Variants in PARP1 observed in about 807,000 individuals in gnomAD.
The protein encoded by PARP1 is poly [ADP-ribose] polymerase 1.
Under a neutral mutation model 118.7 loss-of-function variants are expected in PARP1, and 44 were observed. The ratio of observed to expected loss-of-function variants is 0.37; its 90% confidence interval spans 0.29 to 0.48. The LOEUF is 0.48. Ranked by LOEUF, PARP1 falls within the 20% of genes least tolerant of loss-of-function variation. PARP1 has a pLI of 0.99. For missense variants in PARP1, 1,100 were observed against 1,272.4 expected (o/e 0.86, Z 2.06); for synonymous variants, 492 against 483.2 (o/e 1.02, Z -0.24).
Position 226,379,964 on chromosome 1 carries a change from C to A in PARP1, c.1501G>T (p.Ala501Ser), listed in dbSNP as rs1365570270. ...EVVAPRGKSGAALSKKSKGQV... is the reference protein window; with the variant it reads ...EVVAPRGKSGSALSKKSKGQV... Reference sequence around the variant, plus strand: ...CCCTTGCTTTTTTTGGAGAGCGCAGCCCCTGACTTCCCTCTTGGGGCCACA... The same window carrying A: ...CCCTTGCTTTTTTTGGAGAGCGCAGACCCTGACTTCCCTCTTGGGGCCACA... The change falls in exon 10 of 23, where the codon GCT (alanine) becomes TCT (serine). Residue 501 changes from alanine to serine, a missense_variant. Transcript: ENST00000366794. 1 of 1,614,138 alleles carries A rather than the reference C, an allele frequency of 6.2e-7. No homozygotes were observed. The highest frequency in any genetic ancestry group is 8.5e-7 in the Non-Finnish European group (1 of 1,180,030).
intron 1 of PARP1, among the ~76,000 whole-genome samples, chr1:226,402,937 T>C (rs552774315): frequency 6.6e-6 from 1 of 152,304 alleles, no homozygotes; most frequent in East Asian, 1.9e-4. Context: ...CAGAAAAAAG[T>C]GTCAAGCTTG....
rs1480040125 is a variant in PARP1 at position 226,390,547 on chromosome 1, T to C, written c.480A>G (p.Pro160=). The C allele has an allele frequency of 2.5e-6, 4 of 1,614,114 alleles. No homozygotes were observed. Among genetic ancestry groups the C allele is most frequent in the Non-Finnish European group, 3.4e-6 (4 of 1,180,050 alleles). ...CCTCCCTGTTCTTGACAAAGCAGCC[T>C]GGATGGTACCAGCGGTCAATCATGC... ...QLGMIDRWYH[P]GCFVKNREEL... The change falls in exon 4 of 23, where the codon CCA becomes CCG. Residue 160 remains proline, a synonymous_variant. Transcript: ENST00000366794.
intron 16 of PARP1, among the ~76,000 whole-genome samples, chr1:226,367,883 T>C (rs1054682661): frequency 1.3e-5 from 2 of 152,116 alleles, no homozygotes. Context: ...ACAGTGAAGG[T>C]ACTTTAGACA....
In PARP1 at chr1:226,377,242, G is replaced by C. The variant is rs2102733822; in HGVS notation, c.1807C>G (p.Gln603Glu). 2.5e-6 allele frequency: 4 copies of C among 1,614,058 alleles called. No homozygotes were observed. The highest frequency in any genetic ancestry group is 3.4e-6 in the Non-Finnish European group (4 of 1,179,950). The change falls in exon 13 of 23, where the codon CAG becomes GAG. Residue 603 changes from glutamine to glutamate, a missense_variant. Physicochemically the swap from Gln to Glu is conservative, Grantham distance 29. Around this residue, in one of 2 missense-constraint regions of PARP1, gnomAD observed 948 missense variants for 1,031.8 expected, o/e 0.92. Coordinates refer to ENST00000366794, the MANE Select transcript of PARP1 (RefSeq NM_001618.4). ...ATGGCATCCTCCTTGGACGGCATCT[G>C]TTCCAGTTTGTTGCTACCGATCACC... ...GTVIGSNKLE[Q>E]MPSKEDAIEH...
chr1:226,377,429 A>C (rs1664514702), intron 12 of PARP1, 126 bp from the exon 13 acceptor site: 1 of 736,126 alleles, frequency 1.4e-6, no homozygotes, highest in Non-Finnish European at 2.5e-6. Context: ...GATGGTGATT[A>C]ACACAGAACA....
chr1:226,368,055 G>A (rs577907419), intron 16 of PARP1, 144 bp downstream of exon 16: 1 of 1,155,042 alleles, frequency 8.7e-7, no homozygotes, highest in South Asian at 1.2e-5. Flanking sequence ...AATGTGGGTA[G>A]AAACCCAACT....
chr1:226,399,142 C>T lies in PARP1; in HGVS notation c.286+3072G>A, dbSNP rs528478200. Reference sequence around the variant, plus strand: ...AGGCTGGAGTGCAGTGGCATGATCTCGGCTCACTGCAACCTCCGCCTCCCA... The same window carrying T: ...AGGCTGGAGTGCAGTGGCATGATCTTGGCTCACTGCAACCTCCGCCTCCCA... On this transcript the variant is annotated intron_variant, in intron 2 of 22. Transcript: ENST00000366794. 3.1e-3 allele frequency among the ~76,000 whole-genome samples: 436 copies of T among 141,730 alleles called. 5 individuals are homozygous for T. The highest frequency in any genetic ancestry group is 0.017 in the South Asian group (78 of 4,512). The allele number at this position is 141,730 out of a possible 152,430, so 93.0% of individuals were successfully genotyped here.
At chr1:226,389,154 G>C (rs926179648) in intron 4 of PARP1, among the ~76,000 whole-genome samples, 5 of 152,144 alleles carry the variant, frequency 3.3e-5, no homozygotes, top group East Asian at 1.9e-4. Context: ...CCATGGCTAG[G>C]GGGTAGGGAT....
chr1:226,367,659 A>G (rs1664299219), intron 16 of PARP1, 51 bp from the exon 17 acceptor site: 2 of 1,608,012 alleles, frequency 1.2e-6, no homozygotes, highest in East Asian at 4.5e-5. Flanking sequence ...TGAATGAGAC[A>G]GACTCACCCA....
At chr1:226,379,743 A>C in intron 10 of PARP1, 102 bp from the exon 11 acceptor site, 1 of 1,321,074 alleles carries the variant, frequency 7.6e-7, no homozygotes, top group Admixed American at 1.7e-5. Context: ...ATCATCTGTC[A>C]ACTCGGCATC....
At chr1:226,389,956 T>C (rs1664790417) in intron 4 of PARP1, among the ~76,000 whole-genome samples, 1 of 152,190 alleles carries the variant, frequency 6.6e-6, no homozygotes, top group Non-Finnish European at 1.5e-5. Flanking sequence ...ACCCTTATCA[T>C]TCTCAACTCT....
chr1:226,361,577 C>A (rs759144703), intron 22 of PARP1, 36 bp from the exon 23 acceptor site: 132 of 1,420,330 alleles, frequency 9.3e-5, no homozygotes, highest in Middle Eastern at 1.8e-4. Context: ...AACAGCCATA[C>A]AACAGAGGGT....
chr1:226,400,318 AAAC>A (rs1665008029), intron 2 of PARP1, among the ~76,000 whole-genome samples: 1 of 152,168 alleles, frequency 6.6e-6, no homozygotes, highest in Non-Finnish European at 1.5e-5. Flanking sequence ...ACAAAAACAA[AAAC>A]AACAACAAAA....
At position 226,377,374 on chromosome 1, in the gene PARP1, C is replaced by T. The variant is rs1400307724; in HGVS notation, c.1746-71G>A. On this transcript the variant is annotated intron_variant, in intron 12 of 22. Coordinates refer to ENST00000366794, the MANE Select transcript of PARP1 (RefSeq NM_001618.4). ...GTCCCATTTCAGGAGCTCCCCTTTC[C>T]TGCCATTACATTCACGTGGGGAAGA... 5 of 1,173,276 alleles carry T rather than the reference C, an allele frequency of 4.3e-6. No homozygotes were observed. The African/African-American group carries it at 6.0e-5, about 14-fold the overall frequency. The allele number at this position is 1,173,276 out of a possible 1,614,324, so 72.7% of individuals were successfully genotyped here.
intron 21 of PARP1, 72 bp downstream of exon 21, chr1:226,363,027 G>T: frequency 9.4e-7 from 1 of 1,058,496 alleles, no homozygotes; most frequent in Non-Finnish European, 1.5e-6. Context: ...GCCTTCTCAG[G>T]ACAGCAAGCC....
chr1:226,379,988 CAA>C lies in PARP1; in HGVS notation c.1475_1476del (p.Val492GlyfsTer28). ...GCCCCTGACTTCCCTCTTGGGGCCA[CAA>C]CTTCAACAGGCTCTGCCTTCACCTC... ...GAEVKAEPVE[V>X]VAPRGKSGAA... On this transcript the variant is annotated frameshift_variant, in exon 10 of 23. Transcript: ENST00000366794. LOFTEE classifies it high-confidence loss of function. The C allele has an allele frequency of 1.2e-6, 2 of 1,614,192 alleles. No homozygotes were observed. Among genetic ancestry groups the C allele is most frequent in the East Asian group, 4.5e-5 (2 of 44,878 alleles).
At chr1:226,401,636 C>A (rs917566636) in intron 2 of PARP1, among the ~76,000 whole-genome samples, 43 of 152,320 alleles carry the variant, frequency 2.8e-4, no homozygotes, top group African/African-American at 9.6e-4. Flanking sequence ...TGTCTGAGCC[C>A]CACCTCCTAC....
intron 2 of PARP1, 45 bp downstream of exon 2, chr1:226,402,169 T>G: frequency 6.2e-7 from 1 of 1,614,152 alleles, no homozygotes; most frequent in Non-Finnish European, 8.5e-7. Context: ...CCTGGGAGCT[T>G]CAGGGTGGGG....
intron 4 of PARP1, 35 bp from the exon 5 acceptor site, chr1:226,388,790 G>T: frequency 6.6e-7 from 1 of 1,525,906 alleles, no homozygotes; most frequent in Non-Finnish European, 9.1e-7. Flanking sequence ...GACAGCCAGA[G>T]CCATTAAAAG....
Sources: allele counts gnomAD v4.1 joint callset (sites outside exome capture counted in the v4.1 genomes callset), GRCh38; gene constraint gnomAD v4.1.1; regional missense constraint gnomAD v4.1.1; transcripts MANE v1.5; gene names NCBI Gene and HGNC (gene_info 2026-07-23, HGNC 2026-07-21).